Variants in KCNT2 observed in about 807,000 individuals in gnomAD.
KCNT2 encodes potassium sodium-activated channel subfamily T member 2, also known as potassium channel subfamily T member 2.
In KCNT2, 67 loss-of-function variants were observed where a neutral mutation model predicts 153.8. The ratio of observed to expected loss-of-function variants is 0.44; its 90% CI spans 0.36 to 0.53. The LOEUF (loss-of-function observed/expected upper bound fraction) is 0.53. KCNT2 is among the 20% of genes least tolerant of loss of function. The probability of loss-of-function intolerance (pLI) is 0.00; values close to 1 mark genes in which losing one functional copy is unlikely to be tolerated. For synonymous variants in KCNT2, 500 were observed against 458.8 expected (o/e 1.09, Z -1.15); for missense variants, 975 against 1,354.8 (o/e 0.72, Z 4.40).
intron 12 of KCNT2, among the ~76,000 whole-genome samples, chr1:196,399,787 T>C (rs1000803700): frequency 6.6e-6 from 1 of 151,790 alleles, no homozygotes; most frequent in Non-Finnish European, 1.5e-5. Context: ...GCAGTCATCA[T>C]GAATGGGATT....
chr1:196,398,024 T>C (rs1671094025), intron 13 of KCNT2, among the ~76,000 whole-genome samples: 1 of 151,494 alleles, frequency 6.6e-6, no homozygotes, highest in Admixed American at 6.6e-5. Flanking sequence ...TAATCTCATG[T>C]GATCTGTCAT....
At chr1:196,418,216 C>A (rs370805508) in intron 12 of KCNT2, among the ~76,000 whole-genome samples, 18 of 152,164 alleles carry the variant, frequency 1.2e-4, no homozygotes, top group African/African-American at 4.3e-4. Context: ...TGGCTCACAC[C>A]TGTAATCCCA....
intron 15 of KCNT2, among the ~76,000 whole-genome samples, chr1:196,341,628 C>A (rs1268563888): frequency 6.6e-6 from 1 of 150,852 alleles, no homozygotes; most frequent in East Asian, 1.9e-4. Context: ...AAAAAAAGTT[C>A]TATGTTTGAA....
At chr1:196,507,997 T>A (rs915816519) in intron 1 of KCNT2, among the ~76,000 whole-genome samples, 1 of 151,668 alleles carries the variant, frequency 6.6e-6, no homozygotes, top group African/African-American at 2.4e-5. Flanking sequence ...CTTATTAGGA[T>A]GGTGCAGTAA....
chr1:196,459,893 G>C (rs910491846), intron 8 of KCNT2, among the ~76,000 whole-genome samples: 6 of 151,584 alleles, frequency 4.0e-5, no homozygotes, highest in Non-Finnish European at 7.4e-5. Context: ...CTTGCTTCAG[G>C]TCCCAAATCA....
chr1:196,327,668 C>CTTTTTTTTTT (rs773639795), intron 18 of KCNT2, among the ~76,000 whole-genome samples: 1,941 of 127,598 alleles, frequency 0.015, 175 homozygotes, highest in African/African-American at 0.058. Flanking sequence ...ATATTCTGAT[C>CTTTTTTTTTT]TTTTTTTTTT....
At chr1:196,392,186 A>G (rs1670550683) in intron 13 of KCNT2, among the ~76,000 whole-genome samples, 2 of 151,312 alleles carry the variant, frequency 1.3e-5, no homozygotes, top group African/African-American at 4.8e-5. Context: ...TGGAGAGAAT[A>G]TGGTTTTTTT....
intron 3 of KCNT2, among the ~76,000 whole-genome samples, chr1:196,488,693 A>G (rs1400916607): frequency 6.6e-6 from 1 of 152,044 alleles, no homozygotes; most frequent in Non-Finnish European, 1.5e-5. Context: ...ATCTCCAGGC[A>G]GTAGTCCTCA....
chr1:196,408,918 T>G (rs1672056332), intron 12 of KCNT2, among the ~76,000 whole-genome samples: 1 of 151,610 alleles, frequency 6.6e-6, no homozygotes, highest in Admixed American at 6.6e-5. Flanking sequence ...ATTAATCTAC[T>G]GATCCCCTGC....
At chr1:196,524,272 T>C (rs1254190343) in intron 1 of KCNT2, among the ~76,000 whole-genome samples, 1 of 152,146 alleles carries the variant, frequency 6.6e-6, no homozygotes, top group Non-Finnish European at 1.5e-5. Context: ...TGGATTCTGA[T>C]CATTTTGATT....
intron 14 of KCNT2, among the ~76,000 whole-genome samples, chr1:196,358,517 A>G (rs1248028203): frequency 1.3e-5 from 2 of 151,924 alleles, no homozygotes; most frequent in Non-Finnish European, 2.9e-5. Flanking sequence ...AATAATCATC[A>G]CCACCCTTTA....
At chr1:196,359,272 C>A (rs1434282297) in intron 14 of KCNT2, among the ~76,000 whole-genome samples, 1 of 151,970 alleles carries the variant, frequency 6.6e-6, no homozygotes, top group African/African-American at 2.4e-5. Flanking sequence ...TAAAGAAAGT[C>A]TGGGCCGTGA....
intron 26 of KCNT2, among the ~76,000 whole-genome samples, chr1:196,240,814 C>CGAG (rs1310670539): frequency 6.6e-6 from 1 of 151,906 alleles, no homozygotes; most frequent in Non-Finnish European, 1.5e-5. Flanking sequence ...TTGTAAGGAT[C>CGAG]GAGGGGAAGG....
At chr1:196,514,556 T>C (rs1018738346) in intron 1 of KCNT2, among the ~76,000 whole-genome samples, 1 of 152,192 alleles carries the variant, frequency 6.6e-6, no homozygotes, top group Admixed American at 6.5e-5. Flanking sequence ...ACAGTTAAAA[T>C]GCTGGAAAAA....
chr1:196,430,792 C>CA (rs776611366), intron 8 of KCNT2, among the ~76,000 whole-genome samples: 15 of 151,206 alleles, frequency 9.9e-5, no homozygotes, highest in East Asian at 5.8e-4. Context: ...TTAACAACAA[C>CA]AAAAAAAAGC....
intron 2 of KCNT2, among the ~76,000 whole-genome samples, chr1:196,490,286 G>T (rs1679759991): frequency 6.6e-6 from 1 of 150,616 alleles, no homozygotes; most frequent in Non-Finnish European, 1.5e-5. Flanking sequence ...ATAAATTTTG[G>T]GATAAACTTT....
At chr1:196,329,179 C>T (rs186174959) in intron 18 of KCNT2, among the ~76,000 whole-genome samples, 1 of 152,012 alleles carries the variant, frequency 6.6e-6, no homozygotes, top group African/African-American at 2.4e-5. Flanking sequence ...ATAAGGCAAT[C>T]CCAACTCACA....
At position 196,285,744 on chromosome 1, in the gene KCNT2, T is replaced by A; in HGVS notation, c.2610A>T (p.Arg870Ser). 6.2e-7 allele frequency: 1 copy of A among 1,608,524 alleles called. No individual in the cohort carries two copies. The highest frequency in any genetic ancestry group is 8.5e-7 in the Non-Finnish European group (1 of 1,175,288). The change falls in exon 23 of 28, where the codon AGA (arginine) becomes AGT (serine). Residue 870 changes from arginine (R) to serine (S), a missense_variant. By Grantham distance (110) the Arg-to-Ser change is moderately radical. Coordinates refer to ENST00000294725, the MANE Select transcript of KCNT2 (RefSeq NM_198503.5). ...GAAACATAAAGGCCAAGTTAGAGCC[T>A]CTCTCCCGTTCTTTCTGTTCAGAAA... is the stretch of plus-strand genomic sequence containing the variant. ...LSKLEKKERE[R>S]GSNLAFMFRL... is the part of the protein sequence containing the mutation.
intron 1 of KCNT2, among the ~76,000 whole-genome samples, chr1:196,587,700 A>T (rs1662857184): frequency 6.6e-6 from 1 of 152,040 alleles, no homozygotes; most frequent in Non-Finnish European, 1.5e-5. Flanking sequence ...TTTAAACTTA[A>T]ATCTTCTGTT....
Sources: gnomAD v4.1 joint callset for allele counts (sites outside exome capture counted in the v4.1 genomes callset) on GRCh38, gnomAD v4.1.1 for gene constraint, MANE v1.5 for transcripts, NCBI Gene and HGNC (gene_info 2026-07-23, HGNC 2026-07-21) for gene names.